Variants in EPS15 observed in about 807,000 individuals in gnomAD.
EPS15 encodes the protein epidermal growth factor receptor substrate 15.
In EPS15, 72 loss-of-function variants were observed where a neutral mutation model predicts 113.8. That is an observed-to-expected ratio of 0.63 (90% CI 0.52 to 0.77). EPS15 has a LOEUF of 0.77. Among genes scored for constraint, EPS15 ranks in the 30% least tolerant of loss-of-function variants. The probability of loss-of-function intolerance (pLI) is 0.00; values close to 1 mark genes in which losing one functional copy is unlikely to be tolerated. For missense variants in EPS15, 1,048 were observed against 1,045.8 expected (o/e 1.00, Z -0.03); for synonymous variants, 344 against 363.4 (o/e 0.95, Z 0.61).
At chr1:51,385,030 G>A (rs1026110099) in intron 21 of EPS15, among the ~76,000 whole-genome samples, 5 of 152,146 alleles carry the variant, frequency 3.3e-5, no homozygotes, top group Non-Finnish European at 7.4e-5. Context: ...ATTTAGCAAC[G>A]CTTTCTTGGT....
intron 8 of EPS15, 118 bp downstream of exon 8, chr1:51,460,973 G>C: frequency 1.6e-6 from 1 of 618,952 alleles, no homozygotes. Context: ...AAAAAAAAAA[G>C]TTCACCCAAT....
In EPS15 at chr1:51,440,436, A is replaced by C. The variant is rs1652506798; in HGVS notation, c.955-4T>G. ...CAGGACTTGATCCTATGATGTTCTA[A>C]AAACAAAAAGTTCACAATTATACAT... On this transcript the variant is annotated splice_region_variant and splice_polypyrimidine_tract_variant and intron_variant, in intron 11 of 24. Transcript: ENST00000371733. The C allele has an allele frequency of 6.6e-7, 1 of 1,525,198 alleles. No homozygotes were observed. Among genetic ancestry groups the C allele is most frequent in the African/African-American group, 1.4e-5 (1 of 73,000 alleles). 94.5% of individuals were successfully genotyped at this position (1,525,198 alleles called of 1,614,324 possible). A position where few individuals can be genotyped will look rare whatever the true frequency, so the allele number is the denominator to read the frequency against.
chr1:51,368,322 C>G (rs1646555460), intron 21 of EPS15, among the ~76,000 whole-genome samples: 1 of 151,978 alleles, frequency 6.6e-6, no homozygotes, highest in Non-Finnish European at 1.5e-5. Flanking sequence ...CATTTCGTCA[C>G]CAAGACAGCT....
At chr1:51,493,164 A>G (rs1644266682) in intron 1 of EPS15, among the ~76,000 whole-genome samples, 1 of 152,220 alleles carries the variant, frequency 6.6e-6, no homozygotes, top group South Asian at 2.1e-4. Context: ...GATTGAAACC[A>G]TCCTGGCTAA....
chr1:51,419,459 T>C (rs913184776), intron 13 of EPS15, among the ~76,000 whole-genome samples: 12 of 152,138 alleles, frequency 7.9e-5, no homozygotes, highest in Admixed American at 7.2e-4. Flanking sequence ...GTTTGAGATA[T>C]GAGCTCATAT....
intron 11 of EPS15, among the ~76,000 whole-genome samples, chr1:51,441,252 T>C (rs1427121917): frequency 2.6e-5 from 4 of 152,124 alleles, no homozygotes; most frequent in African/African-American, 9.6e-5. Context: ...ATGTAAGCTA[T>C]TGTTATAATT....
chr1:51,428,341 T>C (rs898342833), intron 12 of EPS15, among the ~76,000 whole-genome samples: 2 of 152,156 alleles, frequency 1.3e-5, no homozygotes, highest in Non-Finnish European at 2.9e-5. Context: ...CATGGACAAA[T>C]GTAAAAACCA....
At chr1:51,478,689 G>A (rs1643962607) in intron 2 of EPS15, among the ~76,000 whole-genome samples, 1 of 151,574 alleles carries the variant, frequency 6.6e-6, no homozygotes, top group Non-Finnish European at 1.5e-5. Context: ...TGTCTGTAAA[G>A]TATTTTATTT....
At chr1:51,471,770 A>T in intron 3 of EPS15, 33 bp from the exon 4 acceptor site, 1 of 1,505,480 alleles carries the variant, frequency 6.6e-7, no homozygotes, top group South Asian at 1.1e-5. Context: ...ATCAATGTAT[A>T]TTTTAAACAA....
At chr1:51,515,314 A>T (rs116826103) in intron 1 of EPS15, among the ~76,000 whole-genome samples, 6 of 152,070 alleles carry the variant, frequency 3.9e-5, no homozygotes, top group Admixed American at 3.9e-4. Flanking sequence ...CTACAAAAAA[A>T]TTTTAAAAAT....
At chr1:51,484,408 T>C (rs866840453) in intron 1 of EPS15, among the ~76,000 whole-genome samples, 1 of 151,990 alleles carries the variant, frequency 6.6e-6, no homozygotes, top group Non-Finnish European at 1.5e-5. Context: ...TTTAAAAAAA[T>C]TTTTTAAATA....
At chr1:51,396,129 T>C (rs1454057747) in intron 20 of EPS15, among the ~76,000 whole-genome samples, 2 of 152,118 alleles carry the variant, frequency 1.3e-5, no homozygotes, top group African/African-American at 2.4e-5. Context: ...CTGAGGCCAA[T>C]TATACTATTA....
At chr1:51,461,268 G>T in intron 7 of EPS15, 118 bp from the exon 8 acceptor site, 2 of 707,456 alleles carry the variant, frequency 2.8e-6, no homozygotes, top group Non-Finnish European at 5.0e-6. Context: ...TGGCCTCCCA[G>T]CACTTTGAGA....
At chr1:51,375,065 G>A (rs1307829569) in intron 21 of EPS15, among the ~76,000 whole-genome samples, 4 of 141,024 alleles carry the variant, frequency 2.8e-5, no homozygotes, top group South Asian at 2.3e-4. Flanking sequence ...GCAGTGGTGC[G>A]ATCTTGGCTC....
chr1:51,493,579 AAAAT>A (rs1553136853), intron 1 of EPS15, among the ~76,000 whole-genome samples: 1 of 140,998 alleles, frequency 7.1e-6, no homozygotes, highest in Non-Finnish European at 1.5e-5. Context: ...TAAATAAATA[AAAAT>A]AAAGCTCTAT....
At chr1:51,426,705 T>C (rs1651222494) in intron 12 of EPS15, among the ~76,000 whole-genome samples, 1 of 151,816 alleles carries the variant, frequency 6.6e-6, no homozygotes, top group Admixed American at 6.6e-5. Flanking sequence ...AGATTGCCTT[T>C]AAACTTGAGA....
chr1:51,417,980 G>C (rs886504751), intron 13 of EPS15, among the ~76,000 whole-genome samples: 3 of 152,170 alleles, frequency 2.0e-5, no homozygotes, highest in African/African-American at 7.2e-5. Context: ...ATTGGTTTAG[G>C]AGGAAAGGCA....
rs1650387330 is a variant in EPS15, at chr1:51,417,859, T to C, written c.1113+3927A>G. Among the ~76,000 whole-genome samples, 4 of 152,184 alleles carry C rather than the reference T, an allele frequency of 2.6e-5. No homozygotes were observed. In the South Asian group the frequency reaches 6.2e-4, roughly 24 times the overall value. ...GACAGTCAAAAAAGAGGAGGGTTTG[T>C]ATTTCATCTTTTTCTCTGTCTCCAA... On this transcript the variant is annotated intron_variant, in intron 13 of 24. Coordinates refer to ENST00000371733, the MANE Select transcript of EPS15 (RefSeq NM_001981.3).
chr1:51,423,698 T>C, intron 12 of EPS15: 2 of 985,428 alleles, frequency 2.0e-6, no homozygotes, highest in Non-Finnish European at 2.4e-6. Flanking sequence ...TCACTGACAG[T>C]GTCTGCTCAG....
Sources: gnomAD v4.1 joint callset for allele counts (sites outside exome capture counted in the v4.1 genomes callset) on GRCh38, gnomAD v4.1.1 for gene constraint, MANE v1.5 for transcripts, NCBI Gene and HGNC (gene_info 2026-07-23, HGNC 2026-07-21) for gene names.